The following ZNF428 variants were observed in gnomAD, a reference collection of about 807,000 sequenced individuals.
ZNF428 encodes zinc finger protein 428, also known as enzyme-like protein PIT13.
In ZNF428, 5 loss-of-function variants were observed where a neutral mutation model predicts 15.6. The observed-to-expected ratio is 0.32, with a 90% CI of 0.17 to 0.67. ZNF428 has a LOEUF of 0.67. Among genes scored for constraint, ZNF428 ranks in the 30% least tolerant of loss-of-function variants. The probability of loss-of-function intolerance (pLI) is 0.73; values close to 1 mark genes in which losing one functional copy is unlikely to be tolerated. For synonymous variants in ZNF428, 97 were observed against 102.2 expected, an observed-to-expected ratio of 0.95 and a Z score of 0.31; for missense variants, 237 against 256.0, an observed-to-expected ratio of 0.93 and a Z score of 0.51.
In ZNF428 at chr19:43,612,624, G is replaced by A; in HGVS notation, c.76+1605C>T. ...ACTCCCACTTCACAGCAAAAAGGGA[G>A]CCGGGGAAAGAGTTACGGCCGGCCT... On this transcript the variant is annotated intron_variant, in intron 2 of 2. Transcript: ENST00000300811. This position sits in a 1 kb window ranked among gnomAD's most constrained non-coding sequence, Gnocchi z 4.2. 6.4e-7 allele frequency: 1 copy of A among 1,551,566 alleles called. No individual in the cohort carries two copies. Among genetic ancestry groups the A allele is most frequent in the South Asian group, 1.2e-5 (1 of 84,058 alleles).
chr19:43,616,210 G>GT (rs1973370368), intron 1 of ZNF428, among the ~76,000 whole-genome samples: 1 of 152,214 alleles, frequency 6.6e-6, no homozygotes, highest in Admixed American at 6.5e-5. Context: ...CAAAGTGGCA[G>GT]TTAGGGACAG....
At chr19:43,608,152 A>G (rs1390655914) in intron 2 of ZNF428, 45 bp from the exon 3 acceptor site, 1 of 1,573,022 alleles carries the variant, frequency 6.4e-7, no homozygotes, top group African/African-American at 1.4e-5. Flanking sequence ...CAGAGGAAAG[A>G]GGGCTAGGCC....
chr19:43,612,682 G>A lies in ZNF428; in HGVS notation c.76+1547C>T, dbSNP rs919194661. The A allele has an allele frequency of 1.9e-6, 3 of 1,551,398 alleles. No homozygotes were observed. Among genetic ancestry groups the A allele is most frequent in the Non-Finnish European group, 1.7e-6 (2 of 1,146,990 alleles). On this transcript the variant is annotated intron_variant, in intron 2 of 2. Transcript: ENST00000300811. The surrounding 1 kb of genome is among the most constrained non-coding windows in gnomAD (Gnocchi z 4.2). Reference sequence around the variant, plus strand: ...GCAACAGGGAAAGGAGTGACAGCCAGCCTAGAAATCTGAGCAAGAAGAGTT... The same window carrying A: ...GCAACAGGGAAAGGAGTGACAGCCAACCTAGAAATCTGAGCAAGAAGAGTT...
intron 2 of ZNF428, among the ~76,000 whole-genome samples, chr19:43,610,660 A>C (rs1332439726): frequency 6.6e-6 from 1 of 152,180 alleles, no homozygotes; most frequent in African/African-American, 2.4e-5. Flanking sequence ...TATTTATGGC[A>C]TGGATATCTC....
chr19:43,611,930 C>T (rs778094346), intron 2 of ZNF428: 10 of 607,890 alleles, frequency 1.6e-5, no homozygotes, highest in East Asian at 1.1e-4. Context: ...GAAATATCTC[C>T]AGCCTCAGGC....
At position 43,607,372 on chromosome 19, in the gene ZNF428, TAC is replaced by T. The variant is rs3052821; in HGVS notation, c.*243_*244del. The stretch of plus-strand genomic sequence containing the variant: ...TCCCCAAGAAGGAGCCCAGGGGGAA[TAC>T]ACACACACACACACACACACAAACA... On this transcript the variant is annotated 3_prime_UTR_variant, in exon 3 of 3. Transcript: ENST00000300811. This position sits in a 1 kb window ranked among gnomAD's most constrained non-coding sequence, Gnocchi z 5.1. 0.18 allele frequency: 65,846 copies of T among 364,670 alleles called. 455 individuals carry two copies. The highest frequency in any genetic ancestry group is 0.25 in the East Asian group (5,394 of 21,812). The allele number at this position is 364,670 out of a possible 1,614,324, so 22.6% of individuals were successfully genotyped here.
chr19:43,613,409 A>G, intron 2 of ZNF428: 2 of 1,531,222 alleles, frequency 1.3e-6, no homozygotes, highest in Non-Finnish European at 1.8e-6. Flanking sequence ...CCGATCTAGA[A>G]GTCCCAACAA....
chr19:43,607,850 G>A lies in ZNF428; in HGVS notation c.334C>T (p.Arg112Trp), dbSNP rs757830238. 2.5e-5 allele frequency: 39 copies of A among 1,556,726 alleles called. No homozygotes were observed. Among genetic ancestry groups the A allele is most frequent in the African/African-American group, 1.1e-4 (8 of 73,582 alleles). ...GEAPPGTPPCRLCCPATAPQE... is the reference protein window; with the variant it reads ...GEAPPGTPPCWLCCPATAPQE... ...GGGGCTGTAGCAGGGCAGCAGAGCCGGCAGGGTGGGGTTCCCGGTGGGGCC... is the reference window on the plus strand; with the variant it reads ...GGGGCTGTAGCAGGGCAGCAGAGCCAGCAGGGTGGGGTTCCCGGTGGGGCC... The change falls in exon 3 of 3, where the codon CGG (arginine) becomes TGG (tryptophan). Residue 112 changes from arginine (R) to tryptophan (W), a missense_variant. Arg to Trp is a moderately radical substitution (Grantham distance 101, BLOSUM62 -3). Coordinates refer to ENST00000300811, the MANE Select transcript of ZNF428 (RefSeq NM_182498.4). The surrounding 1 kb of genome is among the most constrained non-coding windows in gnomAD (Gnocchi z 5.1).
intron 1 of ZNF428, among the ~76,000 whole-genome samples, chr19:43,614,834 G>C (rs1392902127): frequency 6.6e-6 from 1 of 152,160 alleles, no homozygotes; most frequent in Non-Finnish European, 1.5e-5. Flanking sequence ...CTGACCTCAG[G>C]TGATCCACAT....
rs891301016 is a variant in ZNF428 at position 43,607,959 on chromosome 19, A to T, written c.225T>A (p.Arg75=). 3 of 1,594,846 alleles carry T rather than the reference A, an allele frequency of 1.9e-6. No homozygotes were observed. The African/African-American group carries it at 4.0e-5, about 21-fold the overall frequency. ...GGGGGGCCCGGCGGGATGGGCCACC[A>T]CGGCCCCCGCCAAGGCGCTGCTTCA... ...YKVKQRLGGG[R]GGPSRRAPRA... The change falls in exon 3 of 3, where the codon CGT becomes CGA. Residue 75 remains arginine (R), a synonymous_variant. Transcript: ENST00000300811. This position sits in a 1 kb window ranked among gnomAD's most constrained non-coding sequence, Gnocchi z 5.1.
chr19:43,612,489 C>T lies in ZNF428; in HGVS notation c.76+1740G>A. On this transcript the variant is annotated intron_variant, in intron 2 of 2. Coordinates refer to ENST00000300811, the MANE Select transcript of ZNF428 (RefSeq NM_182498.4). This position sits in a 1 kb window ranked among gnomAD's most constrained non-coding sequence, Gnocchi z 4.2. ...AGGGGCACACACAGCCGGGGTAGGA[C>T]ACCTGGCAGAAGGGGAAGCCGCAGC... 1 of 1,551,418 alleles carries T rather than the reference C, an allele frequency of 6.4e-7. No individual in the cohort carries two copies. The highest frequency in any genetic ancestry group is 2.4e-5 in the East Asian group (1 of 40,914).
At chr19:43,610,488 C>T (rs1406052179) in intron 2 of ZNF428, among the ~76,000 whole-genome samples, 1 of 151,962 alleles carries the variant, frequency 6.6e-6, no homozygotes, top group Non-Finnish European at 1.5e-5. Context: ...GTATGAGCCA[C>T]CGCAGCCGGC....
chr19:43,611,900 T>G (rs183334288), intron 2 of ZNF428: 1 of 591,976 alleles, frequency 1.7e-6, no homozygotes, highest in East Asian at 2.8e-5. Context: ...AGACATCTGC[T>G]GAATGGCTGC....
In ZNF428 at chr19:43,612,168, C is replaced by T. The variant is rs1973304517; in HGVS notation, c.76+2061G>A. 2 of 1,551,600 alleles carry T rather than the reference C, an allele frequency of 1.3e-6. No individual in the cohort carries two copies. The highest frequency in any genetic ancestry group is 4.9e-5 in the East Asian group (2 of 40,934). On this transcript the variant is annotated intron_variant, in intron 2 of 2. Coordinates refer to ENST00000300811, the MANE Select transcript of ZNF428 (RefSeq NM_182498.4). This position sits in a 1 kb window ranked among gnomAD's most constrained non-coding sequence, Gnocchi z 4.2. Reference sequence around the variant, plus strand: ...TCAAAGCCCAGTATGTCTCTGGCACCCAGTGGATCCTCCATGCCCACTGCG... The same window carrying T: ...TCAAAGCCCAGTATGTCTCTGGCACTCAGTGGATCCTCCATGCCCACTGCG...
chr19:43,615,392 C>T (rs1366188840), intron 1 of ZNF428, among the ~76,000 whole-genome samples: 3 of 151,996 alleles, frequency 2.0e-5, no homozygotes, highest in Admixed American at 6.6e-5. Flanking sequence ...CCACCACACC[C>T]GACTTTTTTA....
intron 2 of ZNF428, among the ~76,000 whole-genome samples, chr19:43,611,684 C>T (rs572630873): frequency 1.3e-5 from 2 of 152,304 alleles, no homozygotes; most frequent in South Asian, 2.1e-4. Flanking sequence ...ATGTCACCTC[C>T]TCTGTGAAGT....
Position 43,614,245 on chromosome 19 carries a change from A to C in ZNF428, c.60T>G (p.Asp20Glu). Reference protein sequence around the residue: ...TGGYASLEEDDEDLSPGPEHS... With the variant: ...TGGYASLEEDEEDLSPGPEHS... ...CCACCTTACCTGGGGAAAGGTCTTC[A>C]TCATCTTCTTCCAAGCTGGCGTAGC... The change falls in exon 2 of 3, where the codon GAT becomes GAG. Residue 20 changes from aspartate to glutamate, a missense_variant. Asp to Glu is a conservative substitution (Grantham distance 45, BLOSUM62 2). Coordinates refer to ENST00000300811, the MANE Select transcript of ZNF428 (RefSeq NM_182498.4). 6.2e-7 allele frequency: 1 copy of C among 1,614,134 alleles called. No individual in the cohort carries two copies. Among genetic ancestry groups the C allele is most frequent in the Non-Finnish European group, 8.5e-7 (1 of 1,179,990 alleles).
intron 1 of ZNF428, among the ~76,000 whole-genome samples, chr19:43,618,657 GCCTTAGCCT>G (rs796574231): frequency 2.9e-4 from 41 of 140,422 alleles, no homozygotes; most frequent in African/African-American, 1.1e-3. Context: ...CGATCCTCCT[GCCTTAGCCT>G]CCCAAAGTAT....
intron 1 of ZNF428, among the ~76,000 whole-genome samples, chr19:43,619,035 C>A (rs941381344): frequency 1.3e-5 from 2 of 152,150 alleles, no homozygotes; most frequent in African/African-American, 4.8e-5. Flanking sequence ...CCCCACAATG[C>A]CCTGGGCCTA....
Sources: allele counts gnomAD v4.1 joint callset (sites outside exome capture counted in the v4.1 genomes callset), GRCh38; gene constraint gnomAD v4.1.1; non-coding constraint Gnocchi (gnomAD v3.1); transcripts MANE v1.5; gene names NCBI Gene and HGNC (gene_info 2026-07-23, HGNC 2026-07-21).